The following VAV3 variants were observed in gnomAD, a reference collection of about 807,000 sequenced individuals.
The protein encoded by VAV3 is vav guanine nucleotide exchange factor 3.
VAV3 carries 94 observed loss-of-function variants against 131.2 expected under a neutral mutation model. That is an observed-to-expected ratio of 0.72 (90% CI 0.61 to 0.85). The LOEUF is 0.85. VAV3 is among the 40% of genes least tolerant of loss of function. The pLI, the probability that VAV3 is intolerant of heterozygous loss-of-function variation, is 0.00. For missense variants in VAV3, 939 were observed against 1,002.7 expected, an observed-to-expected ratio of 0.94 and a Z score of 0.86; for synonymous variants, 349 against 342.0, an observed-to-expected ratio of 1.02 and a Z score of -0.22.
At chr1:107,728,979 C>T (rs1285615019) in intron 15 of VAV3, among the ~76,000 whole-genome samples, 2 of 152,068 alleles carry the variant, frequency 1.3e-5, no homozygotes, top group African/African-American at 4.8e-5. Context: ...AATCAAAGCC[C>T]TGCAAAACAG....
chr1:107,754,297 A>G (rs1484864326), intron 12 of VAV3, among the ~76,000 whole-genome samples: 6 of 152,168 alleles, frequency 3.9e-5, no homozygotes, highest in African/African-American at 1.4e-4. Context: ...ATATGAAGAG[A>G]TGATGAGAGG....
At chr1:107,857,645 C>A (rs1669533409) in intron 2 of VAV3, among the ~76,000 whole-genome samples, 1 of 151,836 alleles carries the variant, frequency 6.6e-6, no homozygotes, top group East Asian at 1.9e-4. Context: ...CAAATCTGGG[C>A]TTTGTATTTT....
At chr1:107,600,257 T>G (rs1274028085) in intron 24 of VAV3, among the ~76,000 whole-genome samples, 1 of 152,234 alleles carries the variant, frequency 6.6e-6, no homozygotes, top group Non-Finnish European at 1.5e-5. Flanking sequence ...TAGCTTCAGA[T>G]TAGTTCAGCT....
At chr1:107,610,060 A>C in intron 21 of VAV3, 95 bp from the exon 22 acceptor site, 1 of 1,158,388 alleles carries the variant, frequency 8.6e-7, no homozygotes. Flanking sequence ...AGCTCTATAA[A>C]ACCCTAAGTG....
At chr1:107,818,590 G>T (rs1667657996) in intron 2 of VAV3, among the ~76,000 whole-genome samples, 1 of 152,022 alleles carries the variant, frequency 6.6e-6, no homozygotes, top group Admixed American at 6.6e-5. Context: ...TACCCCCAGG[G>T]ATTCATCTCC....
At chr1:107,961,772 T>C (rs1675101802) in intron 1 of VAV3, among the ~76,000 whole-genome samples, 1 of 152,180 alleles carries the variant, frequency 6.6e-6, no homozygotes, top group South Asian at 2.1e-4. Context: ...GTAAGAAAAC[T>C]GGGATCCCAT....
At chr1:107,872,940 T>C (rs1438998624) in intron 2 of VAV3, among the ~76,000 whole-genome samples, 1 of 152,210 alleles carries the variant, frequency 6.6e-6, no homozygotes, top group South Asian at 2.1e-4. Context: ...TAATGCTTAA[T>C]ACTATTAGTA....
intron 11 of VAV3, among the ~76,000 whole-genome samples, chr1:107,756,018 G>T (rs1345372281): frequency 2.6e-5 from 4 of 152,114 alleles, no homozygotes. Context: ...CAAGGAAACC[G>T]GTTCAATTTT....
At chr1:107,877,859 G>A (rs1670578489) in intron 1 of VAV3, among the ~76,000 whole-genome samples, 1 of 152,020 alleles carries the variant, frequency 6.6e-6, no homozygotes, top group African/African-American at 2.4e-5. Flanking sequence ...TGAGTCTAGT[G>A]CGAGCCTAGT....
intron 1 of VAV3, among the ~76,000 whole-genome samples, chr1:107,919,387 G>A (rs1225624415): frequency 6.6e-6 from 1 of 152,196 alleles, no homozygotes; most frequent in Non-Finnish European, 1.5e-5. Flanking sequence ...AAATTTCCAT[G>A]TGGCTGATAA....
intron 1 of VAV3, among the ~76,000 whole-genome samples, chr1:107,882,718 A>C (rs1279953656): frequency 6.6e-6 from 1 of 152,218 alleles, no homozygotes; most frequent in Non-Finnish European, 1.5e-5. Flanking sequence ...TATTTGTATG[A>C]GGACCTTATT....
chr1:107,773,581 G>A lies in VAV3; in HGVS notation c.447-738C>T, dbSNP rs145401761. ...ATAAAGACAGATGAGGAGAGGAACA[G>A]ACAGAGATAGGAGACTGGGACAACC... On this transcript the variant is annotated intron_variant, in intron 4 of 26. Transcript: ENST00000370056. Among the ~76,000 whole-genome samples, 665 of 152,290 alleles carry A rather than the reference G, an allele frequency of 4.4e-3. 5 individuals are homozygous for A. The highest frequency in any genetic ancestry group is 0.015 in the African/African-American group (637 of 41,562).
At chr1:107,778,619 A>G (rs1288182498) in intron 3 of VAV3, among the ~76,000 whole-genome samples, 5 of 152,142 alleles carry the variant, frequency 3.3e-5, no homozygotes, top group African/African-American at 1.2e-4. Flanking sequence ...GAACCCCACT[A>G]AGTCCTGCTT....
chr1:107,612,143 T>TATAC (rs1557702797), intron 21 of VAV3, among the ~76,000 whole-genome samples: 1 of 127,284 alleles, frequency 7.9e-6, no homozygotes, highest in Non-Finnish European at 1.7e-5. Context: ...TATATATATA[T>TATAC]ACACACACAC....
chr1:107,793,333 G>A (rs1666388274), intron 2 of VAV3, among the ~76,000 whole-genome samples: 1 of 152,168 alleles, frequency 6.6e-6, no homozygotes, highest in Non-Finnish European at 1.5e-5. Context: ...TGTAGAGCCA[G>A]GTAGGGCTAT....
At chr1:107,890,553 T>C (rs931905909) in intron 1 of VAV3, among the ~76,000 whole-genome samples, 2 of 152,128 alleles carry the variant, frequency 1.3e-5, no homozygotes, top group African/African-American at 4.8e-5. Flanking sequence ...TGGGGCTCAA[T>C]AGTGAATTAA....
chr1:107,952,468 T>TTTATATATATATATACA (rs1553235441), intron 1 of VAV3, among the ~76,000 whole-genome samples: 33 of 118,968 alleles, frequency 2.8e-4, no homozygotes, highest in African/African-American at 1.1e-3. Context: ...TAACAAAACT[T>TTTATATATATATATACA]TATATATATA....
intron 2 of VAV3, among the ~76,000 whole-genome samples, chr1:107,802,818 C>T (rs1289720177): frequency 6.7e-6 from 1 of 149,358 alleles, no homozygotes; most frequent in East Asian, 1.9e-4. Context: ...GTGTGCTTGT[C>T]TGGTTTTGGT....
At chr1:107,932,705 G>C (rs1673500602) in intron 1 of VAV3, among the ~76,000 whole-genome samples, 1 of 152,194 alleles carries the variant, frequency 6.6e-6, no homozygotes, top group African/African-American at 2.4e-5. Flanking sequence ...TTTATAAAAA[G>C]GAGGCAGAGT....
Sources: allele counts gnomAD v4.1 joint callset (sites outside exome capture counted in the v4.1 genomes callset), GRCh38; gene constraint gnomAD v4.1.1; transcripts MANE v1.5; gene names NCBI Gene and HGNC (gene_info 2026-07-23, HGNC 2026-07-21).